The following METTL22 variants were observed in gnomAD, a reference collection of about 807,000 sequenced individuals.
METTL22 encodes the protein methyltransferase 22, Kin17 lysine.
In METTL22, 51 loss-of-function variants were observed where a neutral mutation model predicts 48.4. The ratio of observed to expected loss-of-function variants is 1.05; its 90% CI spans 0.84 to 1.33. The LOEUF (loss-of-function observed/expected upper bound fraction) is 1.33. Among genes scored for constraint, METTL22 ranks in the 40% most tolerant of loss-of-function variants. The pLI is 0.00. For missense variants in METTL22, 678 were observed against 526.9 expected (o/e 1.29, Z -2.81); for synonymous variants, 255 against 214.1 (o/e 1.19, Z -1.67).
At chr16:8,632,935 G>C (rs567760041) in intron 3 of METTL22, among the ~76,000 whole-genome samples, 238 of 152,280 alleles carry the variant, frequency 1.6e-3, no homozygotes, top group Non-Finnish European at 2.5e-3. Context: ...CAATCACATA[G>C]GACCAAGATC....
At chr16:8,656,452 CA>C in the METTL22 span, among the ~76,000 whole-genome samples, 1 of 152,210 alleles carries the variant, frequency 6.6e-6, no homozygotes, top group African/African-American at 2.4e-5. Context: ...ATTGGAGAAG[CA>C]AAGATTAAGC....
At chr16:8,633,864 A>G (rs376277884) in intron 3 of METTL22, among the ~76,000 whole-genome samples, 2 of 152,352 alleles carry the variant, frequency 1.3e-5, no homozygotes, top group South Asian at 2.1e-4. Context: ...TTTCTCTGTA[A>G]TATACATGTG....
In METTL22 at chr16:8,639,102, G is replaced by A; in HGVS notation, c.712G>A (p.Asp238Asn). 1 of 1,614,072 alleles carries A rather than the reference G, an allele frequency of 6.2e-7. No homozygotes were observed. Among genetic ancestry groups the A allele is most frequent in the Non-Finnish European group, 8.5e-7 (1 of 1,180,028 alleles). ...RTVYCTDVGA[D>N]LLSMCQRNIA... Reference sequence around the variant, plus strand: ...CTCTGTCATTCCAGATGTCGGTGCAGATCTCTTGTCCATGTGCCAGCGAAA... The same window carrying A: ...CTCTGTCATTCCAGATGTCGGTGCAAATCTCTTGTCCATGTGCCAGCGAAA... Residue 238 changes from aspartate to asparagine, a missense_variant, in exon 6 of 11, where the codon GAT (aspartate) becomes AAT (asparagine). Physicochemically the swap from Asp to Asn is conservative, Grantham distance 23. Coordinates refer to ENST00000381920, the MANE Select transcript of METTL22 (RefSeq NM_024109.4).
At chr16:8,622,928 T>C (rs1378709692) in intron 1 of METTL22, among the ~76,000 whole-genome samples, 1 of 152,226 alleles carries the variant, frequency 6.6e-6, no homozygotes. Flanking sequence ...TTTTTGTGTG[T>C]GTCTATACTT....
the METTL22 span, among the ~76,000 whole-genome samples, chr16:8,660,807 A>AGGAGGAGGAGGG: frequency 1.5e-3 from 5 of 3,380 alleles, no homozygotes; most frequent in African/African-American, 3.1e-3. Flanking sequence ...GAGGAGGAGG[A>AGGAGGAGGAGGG]GGAGGAGGAG....
chr16:8,663,499 T>G, the METTL22 span, among the ~76,000 whole-genome samples: 3 of 151,664 alleles, frequency 2.0e-5, no homozygotes, highest in Non-Finnish European at 4.4e-5. Flanking sequence ...GATGTTCCAG[T>G]GGGAGGGTCA....
At chr16:8,630,214 A>G (rs1306690957) in intron 3 of METTL22, among the ~76,000 whole-genome samples, 1 of 152,010 alleles carries the variant, frequency 6.6e-6, no homozygotes, top group East Asian at 1.9e-4. Context: ...ACAGTTACTA[A>G]GCGCCTCCAC....
At chr16:8,653,735 G>C (rs1353608078), downstream of METTL22, among the ~76,000 whole-genome samples, 1 of 133,896 alleles carries the variant, frequency 7.5e-6, no homozygotes, top group Non-Finnish European at 1.6e-5. Flanking sequence ...ACATAGTAAA[G>C]CCTTAATTAA....
chr16:8,660,899 G>GAGGAGA, the METTL22 span, among the ~76,000 whole-genome samples: 14 of 143,454 alleles, frequency 9.8e-5, no homozygotes, highest in African/African-American at 3.6e-4. Context: ...GGAGGAGGAG[G>GAGGAGA]AGGAGGAGCT....
chr16:8,663,414 T>C, the METTL22 span, among the ~76,000 whole-genome samples: 1 of 152,040 alleles, frequency 6.6e-6, no homozygotes, highest in South Asian at 2.1e-4. Context: ...GGGTGGGTTA[T>C]TTTGGGGAGA....
chr16:8,636,647 T>A (rs2056433091), intron 5 of METTL22, among the ~76,000 whole-genome samples: 2 of 3,936 alleles, frequency 5.1e-4, no homozygotes, highest in Admixed American at 6.7e-3. Context: ...GGTTTTTTGG[T>A]TTTTGTTTTT....
At position 8,646,965 on chromosome 16, in the gene METTL22, CCTT is replaced by C. The variant is rs965508258; in HGVS notation, c.*825_*827del. On this transcript the variant is annotated 3_prime_UTR_variant, in exon 11 of 11. Coordinates refer to ENST00000381920, the MANE Select transcript of METTL22 (RefSeq NM_024109.4). The stretch of plus-strand genomic sequence containing the variant: ...ATCCTCTATGTCCCACTGTCTCTCT[CCTT>C]CTCTCCAGTTTTGGTCCCATCTTCC... The C allele has an allele frequency of 2.1e-5, 7 of 335,216 alleles. 1 individual carries two copies. The highest frequency in any genetic ancestry group is 1.6e-4 in the East Asian group (2 of 12,888). 20.8% of individuals were successfully genotyped at this position (335,216 alleles called of 1,614,324 possible).
downstream of METTL22, among the ~76,000 whole-genome samples, chr16:8,650,845 C>G (rs573829103): frequency 3.3e-5 from 5 of 151,744 alleles, no homozygotes; most frequent in African/African-American, 1.2e-4. Context: ...GCCAACATGA[C>G]AAAACCCCGT....
In METTL22 at chr16:8,622,458, A is replaced by G. The variant is rs370244142; in HGVS notation, c.-171+683A>G. Reference sequence around the variant, plus strand: ...GCTGCAGGGATGAGCCTGCAGCCCTATGGAGAGGTGGTGGGGCAGGTCCCC... The same window carrying G: ...GCTGCAGGGATGAGCCTGCAGCCCTGTGGAGAGGTGGTGGGGCAGGTCCCC... On this transcript the variant is annotated intron_variant, in intron 1 of 10. Coordinates refer to ENST00000381920, the MANE Select transcript of METTL22 (RefSeq NM_024109.4). 2.3e-4 allele frequency among the ~76,000 whole-genome samples: 35 copies of G among 152,166 alleles called. No homozygotes were observed. The East Asian group carries it at 5.6e-3, about 24-fold the overall frequency.
chr16:8,666,832 G>C, the METTL22 span: 2 of 148,886 alleles, frequency 1.3e-5, no homozygotes, highest in South Asian at 4.2e-4. Context: ...TGTTGCCCAG[G>C]CTGTAGTGCA....
At chr16:8,654,964 T>G in the METTL22 span, among the ~76,000 whole-genome samples, 2 of 152,102 alleles carry the variant, frequency 1.3e-5, no homozygotes, top group Non-Finnish European at 2.9e-5. Context: ...AAACTGAAGG[T>G]GGACATAAAT....
chr16:8,655,741 G>T, the METTL22 span, among the ~76,000 whole-genome samples: 1 of 152,236 alleles, frequency 6.6e-6, no homozygotes, highest in African/African-American at 2.4e-5. Context: ...GTGATGCAGA[G>T]ATCGTGTTCT....
At chr16:8,635,587 A>G (rs1176144551) in intron 5 of METTL22, among the ~76,000 whole-genome samples, 1 of 151,888 alleles carries the variant, frequency 6.6e-6, no homozygotes, top group Non-Finnish European at 1.5e-5. Flanking sequence ...CTCTCTCCCC[A>G]CTCCTGAGAA....
Position 8,642,558 on chromosome 16 carries a change from G to A in METTL22, c.1003G>A (p.Glu335Lys), listed in dbSNP as rs1192730849. 1 of 1,614,176 alleles carries A rather than the reference G, an allele frequency of 6.2e-7. No individual in the cohort carries two copies. The change falls in exon 9 of 11, where the codon GAG becomes AAG. Residue 335 changes from glutamate to lysine, a missense_variant. Physicochemically the swap from Glu to Lys is moderately conservative, Grantham distance 56. Coordinates refer to ENST00000381920, the MANE Select transcript of METTL22 (RefSeq NM_024109.4). ...TGCCTGCACAGCCATACTGTCGGTG[G>A]AGAAGAGGTGAGCTTTGCGCCACGG... ...KNACTAILSV[E>K]KRLNFTLRHL... is the part of the protein sequence containing the mutation.
Sources: allele counts gnomAD v4.1 joint callset (sites outside exome capture counted in the v4.1 genomes callset), GRCh38; gene constraint gnomAD v4.1.1; transcripts MANE v1.5; gene names NCBI Gene and HGNC (gene_info 2026-07-23, HGNC 2026-07-21).